TAB2: variants seen among roughly 807,000 people sequenced by gnomAD.
TAB2 encodes the protein TGF-beta-activated kinase 1 and MAP3K7-binding protein 2.
A neutral mutation model predicts 65.0 loss-of-function variants in TAB2; 3 were observed. The observed-to-expected ratio is 0.05, with a 90% confidence interval of 0.02 to 0.12. The LOEUF (loss-of-function observed/expected upper bound fraction) is 0.12. Among genes scored for constraint, TAB2 ranks in the 10% least tolerant of loss-of-function variants. The pLI, the probability that TAB2 is intolerant of heterozygous loss-of-function variation, is 1.00. For missense variants in TAB2, 623 were observed against 840.3 expected (o/e 0.74, Z 3.20); for synonymous variants, 298 against 285.1 (o/e 1.05, Z -0.46).
intron 1 of TAB2, among the ~76,000 whole-genome samples, chr6:149,239,004 G>A (rs551564474): frequency 2.0e-5 from 3 of 152,318 alleles, no homozygotes; most frequent in East Asian, 3.9e-4. Flanking sequence ...TAGAAGAGAA[G>A]ACAGCGGCAG....
intron 1 of TAB2, among the ~76,000 whole-genome samples, chr6:149,355,384 G>C (rs1026287553): frequency 6.6e-6 from 1 of 151,980 alleles, no homozygotes; most frequent in South Asian, 2.1e-4. Context: ...TTTAAACTTA[G>C]GGCAGGTGTG....
chr6:149,357,537 A>T (rs971709519), intron 1 of TAB2, among the ~76,000 whole-genome samples: 1 of 151,868 alleles, frequency 6.6e-6, no homozygotes, highest in Non-Finnish European at 1.5e-5. Flanking sequence ...TACATTATAC[A>T]TTGTTTAATT....
At position 149,297,324 on chromosome 6, in the gene TAB2, G is replaced by A. The variant is rs563841464; in HGVS notation, c.-121+78548G>A. Among the ~76,000 whole-genome samples the A allele has an allele frequency of 3.1e-3, 475 of 152,262 alleles. 1 individual carries two copies. Among genetic ancestry groups the A allele is most frequent in the African/African-American group, 9.8e-3 (407 of 41,564 alleles). Reference sequence around the variant, plus strand: ...AATTCAGGATCCAATCAAGGATCACGCATTTCATTTCTTAGTCATATCCAT... The same window carrying A: ...AATTCAGGATCCAATCAAGGATCACACATTTCATTTCTTAGTCATATCCAT... On this transcript the variant is annotated intron_variant, in intron 1 of 1. Coordinates refer to the TAB2 transcript ENST00000606202.
intron 1 of TAB2, among the ~76,000 whole-genome samples, chr6:149,275,259 A>AGAAG (rs1778443932): frequency 2.0e-5 from 3 of 146,678 alleles, no homozygotes; most frequent in African/African-American, 7.7e-5. Flanking sequence ...AAAGAAAGAA[A>AGAAG]GAAAGAAAGA....
intron 1 of TAB2, among the ~76,000 whole-genome samples, chr6:149,294,745 A>G (rs1311324391): frequency 6.6e-6 from 1 of 152,230 alleles, no homozygotes; most frequent in African/African-American, 2.4e-5. Flanking sequence ...TGAATGCCAT[A>G]AAAAGATACC....
At chr6:149,271,155 C>A (rs139429986) in intron 1 of TAB2, among the ~76,000 whole-genome samples, 1 of 152,102 alleles carries the variant, frequency 6.6e-6, no homozygotes, top group East Asian at 1.9e-4. Flanking sequence ...CTGCAGTGAG[C>A]TATGATTGCC....
intron 1 of TAB2, among the ~76,000 whole-genome samples, chr6:149,320,063 T>A (rs1190507581): frequency 2.0e-5 from 3 of 152,112 alleles, no homozygotes; most frequent in South Asian, 2.1e-4. Context: ...AATTTTTTTT[T>A]AATTTTGTTT....
intron 1 of TAB2, among the ~76,000 whole-genome samples, chr6:149,285,393 T>C (rs1482648487): frequency 1.3e-5 from 2 of 152,174 alleles, no homozygotes; most frequent in Non-Finnish European, 2.9e-5. Flanking sequence ...CAGCCTTTCC[T>C]TAGAGGGGAG....
chr6:149,239,846 A>G (rs1777565622), intron 1 of TAB2, among the ~76,000 whole-genome samples: 1 of 152,198 alleles, frequency 6.6e-6, no homozygotes, highest in Non-Finnish European at 1.5e-5. Context: ...CTTCGCAGAG[A>G]TGATAGCCTA....
At chr6:149,225,110 T>C (rs1389925282) in intron 1 of TAB2, among the ~76,000 whole-genome samples, 1 of 152,210 alleles carries the variant, frequency 6.6e-6, no homozygotes, top group Non-Finnish European at 1.5e-5. Flanking sequence ...TACAGCCAAA[T>C]TGAACAACAA....
At chr6:149,366,611 G>A (rs1341956757) in intron 1 of TAB2, among the ~76,000 whole-genome samples, 4 of 152,070 alleles carry the variant, frequency 2.6e-5, no homozygotes, top group Non-Finnish European at 4.4e-5. Context: ...TCTTCCAAGT[G>A]CTGACCCCTT....
intron 1 of TAB2, among the ~76,000 whole-genome samples, chr6:149,308,685 C>T (rs773979626): frequency 1.4e-4 from 21 of 152,026 alleles, no homozygotes; most frequent in African/African-American, 4.3e-4. Context: ...TGTGCCACCA[C>T]GCCTGACTAA....
At chr6:149,355,307 T>G (rs888167499) in intron 1 of TAB2, among the ~76,000 whole-genome samples, 3 of 152,204 alleles carry the variant, frequency 2.0e-5, no homozygotes, top group African/African-American at 7.2e-5. Context: ...AAATTACAGT[T>G]TGAAAAGCTG....
intron 3 of TAB2, among the ~76,000 whole-genome samples, chr6:149,382,431 A>G (rs575927673): frequency 5.8e-4 from 88 of 152,038 alleles, no homozygotes; most frequent in African/African-American, 1.7e-3. Flanking sequence ...CCCCATCTCT[A>G]CTAAAAAGAC....
intron 3 of TAB2, among the ~76,000 whole-genome samples, chr6:149,387,753 A>G (rs778874339): frequency 6.6e-6 from 1 of 152,224 alleles, no homozygotes; most frequent in Non-Finnish European, 1.5e-5. Context: ...CTCACTAGAG[A>G]TAACTAGTTT....
At chr6:149,354,717 C>T (rs1410898395) in intron 1 of TAB2, among the ~76,000 whole-genome samples, 1 of 152,076 alleles carries the variant, frequency 6.6e-6, no homozygotes. Flanking sequence ...GAACACTGTT[C>T]TGCACTTAGT....
Position 149,403,245 on chromosome 6 carries a change from AAAATATATATATATAT to A in TAB2, c.1939+4063_1939+4078del, listed in dbSNP as rs1197433127. 6.6e-4 allele frequency among the ~76,000 whole-genome samples: 31 copies of A among 47,172 alleles called. 1 individual carries two copies. The highest frequency in any genetic ancestry group is 0.011 in the Middle Eastern group (1 of 92). The allele number at this position is 47,172 out of a possible 152,430, so 30.9% of individuals were successfully genotyped here. On this transcript the variant is annotated intron_variant, in intron 6 of 6. Transcript: ENST00000637181. ...GCGAAACTCTTGTCTAAAAAAAAAA[AAAATATATATATATAT>A]ATATATATATATATATATATATACA...
chr6:149,403,246 AAATATATATATAT>A (rs1169592811), intron 6 of TAB2, among the ~76,000 whole-genome samples: 2 of 31,692 alleles, frequency 6.3e-5, no homozygotes, highest in African/African-American at 1.8e-4. Flanking sequence ...AAAAAAAAAA[AAATATATATATAT>A]ATATATATAT....
chr6:149,263,042 C>T (rs542089425), intron 1 of TAB2, among the ~76,000 whole-genome samples: 7 of 152,202 alleles, frequency 4.6e-5, no homozygotes, highest in African/African-American at 9.6e-5. Context: ...TGGCCTCAAG[C>T]GATCCTCCTG....
Sources: gnomAD v4.1 joint callset for allele counts (sites outside exome capture counted in the v4.1 genomes callset) on GRCh38, gnomAD v4.1.1 for gene constraint, MANE v1.5 for transcripts, NCBI Gene and HGNC (gene_info 2026-07-23, HGNC 2026-07-21) for gene names.